HTR3A: variants seen among roughly 807,000 people sequenced by gnomAD.
HTR3A encodes the protein 5-hydroxytryptamine (serotonin) receptor 3A, ionotropic.
A neutral mutation model predicts 54.8 loss-of-function variants in HTR3A; 45 were observed. That is an observed-to-expected ratio of 0.82 (90% CI 0.65 to 1.05). The LOEUF (loss-of-function observed/expected upper bound fraction) is 1.05. HTR3A is among the 50% of genes least tolerant of loss of function. HTR3A has a pLI of 0.00. For missense variants in HTR3A, 657 were observed against 614.0 expected (o/e 1.07, Z -0.74); for synonymous variants, 297 against 256.0 (o/e 1.16, Z -1.53).
At chr11:113,977,557 G>A (rs1433211496) in intron 1 of HTR3A, 2 of 1,547,648 alleles carry the variant, frequency 1.3e-6, no homozygotes, top group Non-Finnish European at 1.7e-6. Context: ...GTCAATGAAT[G>A]CATAGGTCCT....
Position 113,989,906 on chromosome 11 carries a change from A to G in HTR3A, c.*143A>G, listed in dbSNP as rs748446186. ...GTCCCGTGCCCTGTTTCCAATGCCA[A>G]TTCATCTCAGCAATCACAAGCCAAG... On this transcript the variant is annotated 3_prime_UTR_variant, in exon 9 of 9. Transcript: ENST00000504030. This position sits in a 1 kb window ranked among gnomAD's most constrained non-coding sequence, Gnocchi z 4.4. 5 of 951,538 alleles carry G rather than the reference A, an allele frequency of 5.3e-6. No individual in the cohort carries two copies. The highest frequency in any genetic ancestry group is 8.2e-6 in the Non-Finnish European group (5 of 607,920). The allele number at this position is 951,538 out of a possible 1,614,324, so 58.9% of individuals were successfully genotyped here.
At chr11:113,984,391 G>A (rs1022167895) in intron 5 of HTR3A, among the ~76,000 whole-genome samples, 5 of 152,102 alleles carry the variant, frequency 3.3e-5, no homozygotes, top group Admixed American at 6.6e-5. Context: ...CAAGGCAGGA[G>A]GATTGCTTCA....
intron 4 of HTR3A, among the ~76,000 whole-genome samples, chr11:113,982,140 C>T (rs1950428707): frequency 6.6e-6 from 1 of 152,148 alleles, no homozygotes; most frequent in Admixed American, 6.5e-5. Context: ...GGCAGCCAAA[C>T]ACGGTCCCAT....
Position 113,986,901 on chromosome 11 carries a change from C to T in HTR3A, c.993C>T (p.His331=). Residue 331 remains histidine (H), a synonymous_variant, in exon 8 of 9, where the codon CAC becomes CAT. Coordinates refer to ENST00000504030, the MANE Select transcript of HTR3A (RefSeq NM_000869.6). ...AETIFIVRLV[H]KQDLQQPVPA... The stretch of plus-strand genomic sequence containing the variant: ...CCATCTTCATTGTGCGGCTGGTGCA[C>T]AAGCAAGACCTGCAGCAGCCCGTGC... 2 of 1,614,162 alleles carry T rather than the reference C, an allele frequency of 1.2e-6. No homozygotes were observed. The highest frequency in any genetic ancestry group is 1.7e-5 in the Admixed American group (1 of 60,020).
In HTR3A at chr11:113,981,294, A is replaced by G. The variant is rs749051731; in HGVS notation, c.356A>G (p.Asp119Gly). 16 of 1,611,332 alleles carry G rather than the reference A, an allele frequency of 9.9e-6. No homozygotes were observed. Among genetic ancestry groups the G allele is most frequent in the African/African-American group, 2.7e-5 (2 of 74,858 alleles). The change falls in exon 4 of 9, where the codon GAC (aspartate) becomes GGC (glycine). Residue 119 changes from aspartate (D) to glycine (G), a missense_variant. Physicochemically the swap from Asp to Gly is moderately conservative, Grantham distance 94. Transcript: ENST00000504030. ...CCCACGGACAGCATCTGGGTCCCGG[A>G]CATTCTCATCAATGAGTTGTGAGTA... ...SIPTDSIWVP[D>G]ILINEFVDVG...
chr11:113,978,470 T>A (rs543269331), intron 2 of HTR3A, among the ~76,000 whole-genome samples: 4 of 152,188 alleles, frequency 2.6e-5, no homozygotes, highest in Non-Finnish European at 4.4e-5. Context: ...AGGACCCAAC[T>A]TCACAGTGGC....
intron 1 of HTR3A, 56 bp downstream of exon 1, chr11:113,975,448 A>G: frequency 6.9e-7 from 1 of 1,457,156 alleles, no homozygotes; most frequent in Non-Finnish European, 9.5e-7. Context: ...GAGGTGGGGC[A>G]GGGGATGCTT....
At chr11:113,986,435 C>T in intron 6 of HTR3A, 83 bp from the exon 7 acceptor site, 2 of 1,501,792 alleles carry the variant, frequency 1.3e-6, no homozygotes, top group East Asian at 4.5e-5. Flanking sequence ...CCCCATAAAA[C>T]AAGGAATCTG....
intron 5 of HTR3A, 44 bp downstream of exon 5, chr11:113,983,333 A>T: frequency 1.2e-6 from 2 of 1,608,336 alleles, no homozygotes; most frequent in South Asian, 2.2e-5. Flanking sequence ...AGGTTGGGGG[A>T]CCCCAGGGAC....
At position 113,986,680 on chromosome 11, in the gene HTR3A, A is replaced by T. The variant is rs759087911; in HGVS notation, c.868A>T (p.Ile290Phe). The T allele has an allele frequency of 7.4e-6, 12 of 1,613,962 alleles. No individual in the cohort carries two copies. The African/African-American group carries it at 1.6e-4, about 22-fold the overall frequency. Residue 290 changes from isoleucine to phenylalanine, a missense_variant, in exon 7 of 9, where the codon ATC becomes TTC. Ile to Phe is a conservative substitution (Grantham distance 21). Transcript: ENST00000504030. ...CCTGGGCTACTCGGTCTTCCTGATC[A>T]TCGTTTCTGACACGCTGCCGGCCAC... ...LLLGYSVFLI[I>F]VSDTLPATAI... is the part of the protein sequence containing the mutation.
In HTR3A at chr11:113,977,951, G is replaced by A. The variant is rs749007480; in HGVS notation, c.219+29G>A. The A allele has an allele frequency of 3.7e-6, 6 of 1,613,898 alleles. No individual in the cohort carries two copies. The African/African-American group carries it at 4.0e-5, about 11-fold the overall frequency. On this transcript the variant is annotated intron_variant, in intron 2 of 8. Coordinates refer to ENST00000504030, the MANE Select transcript of HTR3A (RefSeq NM_000869.6). ...AGGCTCAGCCCCGAGCTGCACACAG[G>A]CAGACCTTTTGGGGGTGGGAGAAGG...
At chr11:113,978,600 G>T (rs1416934356) in intron 2 of HTR3A, among the ~76,000 whole-genome samples, 1 of 152,156 alleles carries the variant, frequency 6.6e-6, no homozygotes, top group Non-Finnish European at 1.5e-5. Context: ...CGAACACCTG[G>T]CCTCAAGCCA....
At chr11:113,984,970 A>T (rs1382638691) in intron 5 of HTR3A, among the ~76,000 whole-genome samples, 1 of 152,088 alleles carries the variant, frequency 6.6e-6, no homozygotes, top group Non-Finnish European at 1.5e-5. Context: ...TGATGTATTC[A>T]TTACCTTAAA....
intron 3 of HTR3A, among the ~76,000 whole-genome samples, chr11:113,979,830 C>G (rs936278385): frequency 5.3e-5 from 8 of 152,044 alleles, no homozygotes; most frequent in Admixed American, 2.0e-4. Flanking sequence ...ATCCAAGGGT[C>G]CTGCTCTGGA....
intron 5 of HTR3A, 82 bp downstream of exon 5, chr11:113,983,371 G>C: frequency 6.9e-7 from 1 of 1,448,340 alleles, no homozygotes; most frequent in South Asian, 1.1e-5. Context: ...TCCCCAGGGC[G>C]CCTTCTCACG....
chr11:113,984,075 T>G (rs1377772662), intron 5 of HTR3A, among the ~76,000 whole-genome samples: 1 of 152,054 alleles, frequency 6.6e-6, no homozygotes, highest in Non-Finnish European at 1.5e-5. Context: ...TTGTTTCCTC[T>G]CCTATGCTAC....
chr11:113,986,851 C>T lies in HTR3A; in HGVS notation c.943C>T (p.Leu315=), dbSNP rs543634518. The change falls in exon 8 of 9, where the codon CTG becomes TTG. Residue 315 remains leucine (L), a synonymous_variant. Coordinates refer to ENST00000504030, the MANE Select transcript of HTR3A (RefSeq NM_000869.6). ...IGVYFVVCMA[L]LVISLAETIF... ...TGTCTACTTTGTGGTGTGCATGGCT[C>T]TGCTGGTGATAAGTTTGGCCGAGAC... 3.7e-6 allele frequency: 6 copies of T among 1,614,106 alleles called. No homozygotes were observed. Among genetic ancestry groups the T allele is most frequent in the Admixed American group, 3.3e-5 (2 of 60,008 alleles).
chr11:113,986,522 T>A lies in HTR3A; in HGVS notation c.710T>A (p.Val237Asp). The A allele has an allele frequency of 6.2e-7, 1 of 1,612,350 alleles. No individual in the cohort carries two copies. The highest frequency in any genetic ancestry group is 2.2e-5 in the East Asian group (1 of 44,866). Reference sequence around the variant, plus strand: ...CAAGCTCTTCTCCGGTCCCAGGTGGTCATCCGCCGGCGGCCCCTCTTCTAT... The same window carrying A: ...CAAGCTCTTCTCCGGTCCCAGGTGGACATCCGCCGGCGGCCCCTCTTCTAT... ...NYYAEMKFYV[V>D]IRRRPLFYVV... The change falls in exon 7 of 9, where the codon GTC becomes GAC. Residue 237 changes from valine to aspartate, a missense_variant. Val to Asp is a radical substitution (Grantham distance 152, BLOSUM62 -3). Coordinates refer to ENST00000504030, the MANE Select transcript of HTR3A (RefSeq NM_000869.6).
At position 113,986,058 on chromosome 11, in the gene HTR3A, G is replaced by A. The variant is rs1950486328; in HGVS notation, c.588G>A (p.Val196=). 1 of 1,614,212 alleles carries A rather than the reference G, an allele frequency of 6.2e-7. No individual in the cohort carries two copies. Among genetic ancestry groups the A allele is most frequent in the African/African-American group, 1.3e-5 (1 of 75,042 alleles). ...NISLWRLPEK[V]KSDRSVFMNQ... is the part of the protein sequence containing the mutation. ...CTTTGTGGCGCTTGCCAGAAAAGGT[G>A]AAATCCGACAGGAGTGTCTTCATGA... The change falls in exon 6 of 9, where the codon GTG becomes GTA. Residue 196 remains valine (V), a synonymous_variant. Transcript: ENST00000504030.
Sources: allele counts gnomAD v4.1 joint callset (sites outside exome capture counted in the v4.1 genomes callset), GRCh38; gene constraint gnomAD v4.1.1; non-coding constraint Gnocchi (gnomAD v3.1); transcripts MANE v1.5; gene names NCBI Gene and HGNC (gene_info 2026-07-23, HGNC 2026-07-21).